FAM227A: variants seen among roughly 807,000 people sequenced by gnomAD.
FAM227A encodes the protein protein FAM227A.
FAM227A carries 80 observed loss-of-function variants against 74.7 expected under a neutral mutation model. That is an observed-to-expected ratio of 1.07 (90% CI 0.89 to 1.29). The LOEUF is 1.29. FAM227A is among the 50% of genes most tolerant of loss of function. FAM227A has a pLI of 0.00. For missense variants in FAM227A, 654 were observed against 683.4 expected, an observed-to-expected ratio of 0.96 and a Z score of 0.48; for synonymous variants, 237 against 241.8, an observed-to-expected ratio of 0.98 and a Z score of 0.19.
rs1426669875 is a variant in FAM227A at position 38,585,667 on chromosome 22, T to C, written c.*458A>G. On this transcript the variant is annotated 3_prime_UTR_variant, in exon 17 of 17. Transcript: ENST00000535113. ...ACAGCATTTAATGTGTTGATACATC[T>C]GTCTTCCCTCTACCAGATGGTGACT... The C allele has an allele frequency of 1.1e-5, 2 of 182,560 alleles. No individual in the cohort carries two copies. Among genetic ancestry groups the C allele is most frequent in the East Asian group, 2.6e-4 (2 of 7,772 alleles). 11.3% of individuals were successfully genotyped at this position (182,560 alleles called of 1,614,324 possible).
chr22:38,636,763 A>G (rs1442426379), intron 5 of FAM227A, among the ~76,000 whole-genome samples, 166 bp from the exon 6 acceptor site: 2 of 141,018 alleles, frequency 1.4e-5, no homozygotes, highest in East Asian at 4.3e-4. Flanking sequence ...TCCTATCTAC[A>G]TTATTTCTTT....
At chr22:38,634,916 T>G (rs991350667) in intron 6 of FAM227A, among the ~76,000 whole-genome samples, 2 of 151,900 alleles carry the variant, frequency 1.3e-5, no homozygotes, top group African/African-American at 4.8e-5. Context: ...GGGACCGACA[T>G]AGCCCAGAGA....
chr22:38,643,444 G>A (rs1006119604), intron 3 of FAM227A, among the ~76,000 whole-genome samples: 5 of 152,066 alleles, frequency 3.3e-5, no homozygotes, highest in African/African-American at 1.2e-4. Context: ...AACTAAAACA[G>A]CAATGGGATA....
rs1555973176 is a variant in FAM227A, at chr22:38,641,974, T to TGTGTGTGTGC, written c.226-2251_226-2250insGCACACACAC. ...GTGTGTGTGTGTGTGTGTGTGTGTG[T>TGTGTGTGTGC]GCGCACGTGTGTGTGCGCGTGTGTT... On this transcript the variant is annotated intron_variant, in intron 3 of 16. Coordinates refer to ENST00000535113, the MANE Select transcript of FAM227A (RefSeq NM_001013647.2). Among the ~76,000 whole-genome samples, 21 of 146,116 alleles carry TGTGTGTGTGC rather than the reference T, an allele frequency of 1.4e-4. No homozygotes were observed. In the South Asian group the frequency reaches 1.5e-3, roughly 10 times the overall value.
At chr22:38,617,135 T>G (rs1298993375) in intron 11 of FAM227A, among the ~76,000 whole-genome samples, 1 of 152,008 alleles carries the variant, frequency 6.6e-6, no homozygotes, top group Non-Finnish European at 1.5e-5. Context: ...CAGCACTGAG[T>G]GCCCTTCTGA....
At chr22:38,629,142 AGTGGCAAGTGGC>A in intron 6 of FAM227A, 2 of 474,858 alleles carry the variant, frequency 4.2e-6, no homozygotes, top group Non-Finnish European at 7.3e-6. Flanking sequence ...CGAGGACCAA[AGTGGCAAGTGGC>A]TGAGCCAGGA....
intron 2 of FAM227A, among the ~76,000 whole-genome samples, chr22:38,649,217 A>G (rs761526896): frequency 1.6e-4 from 24 of 152,162 alleles, no homozygotes; most frequent in Non-Finnish European, 2.2e-4. Context: ...GGAGTCAAAC[A>G]GTCCTTCACA....
rs2090730719 is a variant in FAM227A at position 38,582,923 on chromosome 22, G to C, written c.*3202C>G. On this transcript the variant is annotated 3_prime_UTR_variant, in exon 17 of 17. Transcript: ENST00000535113. ...AGGGACGTCTAAGCGGGGTCCTGGA[G>C]GAAGAGCAGGAATTAGTGATGTTGG... 6.4e-7 allele frequency: 1 copy of C among 1,550,392 alleles called. No homozygotes were observed. Among genetic ancestry groups the C allele is most frequent in the South Asian group, 1.2e-5 (1 of 84,056 alleles).
chr22:38,631,916 A>G (rs909062070), intron 6 of FAM227A, among the ~76,000 whole-genome samples: 9 of 152,210 alleles, frequency 5.9e-5, no homozygotes, highest in African/African-American at 2.2e-4. Flanking sequence ...ACAGTAACCC[A>G]GACAGGAAGT....
chr22:38,623,791 C>G (rs1357973022), intron 9 of FAM227A, among the ~76,000 whole-genome samples: 1 of 152,206 alleles, frequency 6.6e-6, no homozygotes, highest in Non-Finnish European at 1.5e-5. Flanking sequence ...AGCTCTAGAT[C>G]TGGCACATAA....
chr22:38,592,066 A>C (rs143255884), intron 15 of FAM227A, among the ~76,000 whole-genome samples: 3,415 of 151,576 alleles, frequency 0.023, 51 homozygotes, highest in Middle Eastern at 0.058. Flanking sequence ...CTCCTGCCTC[A>C]GCCTCCCGAG....
chr22:38,638,348 G>C (rs1465577496), intron 5 of FAM227A, among the ~76,000 whole-genome samples: 1 of 152,114 alleles, frequency 6.6e-6, no homozygotes, highest in Non-Finnish European at 1.5e-5. Flanking sequence ...TTCTGCTCCT[G>C]AATCTCAGCT....
At position 38,582,634 on chromosome 22, in the gene FAM227A, A is replaced by G. The variant is rs1172654841; in HGVS notation, c.*3491T>C. ...ACTCTGAGTCCTCAGTCATTTCTGG[A>G]AAGGGTCCATGCAGGGATGATCTTG... On this transcript the variant is annotated 3_prime_UTR_variant, in exon 17 of 17. Transcript: ENST00000535113. 1 of 732,966 alleles carries G rather than the reference A, an allele frequency of 1.4e-6. No individual in the cohort carries two copies. The highest frequency in any genetic ancestry group is 1.8e-5 in the African/African-American group (1 of 56,338). The allele number at this position is 732,966 out of a possible 1,614,324, so 45.4% of individuals were successfully genotyped here.
rs552876960 is a variant in FAM227A at position 38,620,596 on chromosome 22, G to A, written c.959-305C>T. On this transcript the variant is annotated intron_variant, in intron 10 of 16. Transcript: ENST00000535113. ...AGGCGGGCGGATCACGAGGTCAGGA[G>A]ATCGAGACCATCCTGGCTAACACGG... Among the ~76,000 whole-genome samples the A allele has an allele frequency of 3.2e-3, 488 of 152,154 alleles. 2 individuals carry two copies. The highest frequency in any genetic ancestry group is 5.0e-3 in the Non-Finnish European group (341 of 67,998).
intron 7 of FAM227A, among the ~76,000 whole-genome samples, chr22:38,628,588 T>C (rs1168320989): frequency 6.6e-6 from 1 of 152,172 alleles, no homozygotes; most frequent in African/African-American, 2.4e-5. Context: ...AGGTCTACTC[T>C]CAACCCTGCC....
chr22:38,626,362 T>C (rs2091800362), intron 8 of FAM227A, 59 bp from the exon 9 acceptor site: 1 of 1,510,476 alleles, frequency 6.6e-7, no homozygotes, highest in Non-Finnish European at 8.9e-7. Context: ...CTTACATGAT[T>C]TGGGGATGAG....
At chr22:38,639,465 AGGT>A (rs1414530187) in intron 4 of FAM227A, 187 bp downstream of exon 4, 1 of 630,076 alleles carries the variant, frequency 1.6e-6, no homozygotes, top group Non-Finnish European at 2.8e-6. Flanking sequence ...TGCCACATGT[AGGT>A]GGTCTCTAAA....
In FAM227A at chr22:38,607,151, T is replaced by C. The variant is rs540031104; in HGVS notation, c.1126+238A>G. 1.9e-4 allele frequency among the ~76,000 whole-genome samples: 25 copies of C among 130,996 alleles called. 1 individual carries two copies. The Middle Eastern group carries it at 0.014, about 76-fold the overall frequency. The allele number at this position is 130,996 out of a possible 152,430, so 85.9% of individuals were successfully genotyped here. On this transcript the variant is annotated intron_variant, in intron 12 of 16. Coordinates refer to ENST00000535113, the MANE Select transcript of FAM227A (RefSeq NM_001013647.2). ...GAGATTGTGCCACTGCACTCCAGCC[T>C]GGGCGACAGAGTGAGACTTCATCTC...
chr22:38,601,022 G>A (rs1186046769), intron 13 of FAM227A, among the ~76,000 whole-genome samples: 3 of 151,856 alleles, frequency 2.0e-5, no homozygotes, highest in Non-Finnish European at 2.9e-5. Context: ...TTACCAAAAC[G>A]TTAATAATTC....
Sources: gnomAD v4.1 joint callset for allele counts (sites outside exome capture counted in the v4.1 genomes callset) on GRCh38, gnomAD v4.1.1 for gene constraint, MANE v1.5 for transcripts, NCBI Gene and HGNC (gene_info 2026-07-23, HGNC 2026-07-21) for gene names.